Variants in FHIT observed in about 807,000 individuals in gnomAD.
FHIT encodes bis(5'-adenosyl)-triphosphatase.
Under a neutral mutation model 17.9 loss-of-function variants are expected in FHIT, and 19 were observed. That is an observed-to-expected ratio of 1.06 (90% CI 0.74 to 1.56). The LOEUF is 1.56. FHIT is among the 40% of genes most tolerant of loss of function. The pLI is 0.00. For missense variants in FHIT, 248 were observed against 189.2 expected (o/e 1.31, Z -1.82); for synonymous variants, 81 against 69.7 (o/e 1.16, Z -0.81).
chr3:59,821,371 G>T (rs1328348283), intron 8 of FHIT, among the ~76,000 whole-genome samples: 2 of 152,184 alleles, frequency 1.3e-5, no homozygotes, highest in African/African-American at 4.8e-5. Context: ...GTGCTCTGAG[G>T]ATTTGGTGCC....
At chr3:60,046,950 G>C (rs1701678051) in intron 5 of FHIT, among the ~76,000 whole-genome samples, 1 of 152,190 alleles carries the variant, frequency 6.6e-6, no homozygotes, top group Non-Finnish European at 1.5e-5. Context: ...AGGAAATCAA[G>C]TATATAAACA....
At chr3:59,852,568 T>C (rs1448992523) in intron 8 of FHIT, among the ~76,000 whole-genome samples, 2 of 152,160 alleles carry the variant, frequency 1.3e-5, no homozygotes, top group Non-Finnish European at 2.9e-5. Context: ...TCAGTCTTGG[T>C]GTTGTACATT....
chr3:60,045,083 C>G (rs1701596730), intron 5 of FHIT, among the ~76,000 whole-genome samples: 3 of 152,044 alleles, frequency 2.0e-5, no homozygotes. Context: ...GGAGTTGTTG[C>G]TTAATGGGTA....
intron 7 of FHIT, among the ~76,000 whole-genome samples, chr3:59,953,120 T>C (rs544974381): frequency 6.6e-6 from 1 of 152,154 alleles, no homozygotes; most frequent in South Asian, 2.1e-4. Flanking sequence ...CCTGGCTCTG[T>C]GTCTCTCTCA....
At chr3:60,860,825 AT>A (rs377188381) in intron 3 of FHIT, among the ~76,000 whole-genome samples, 1,487 of 12,242 alleles carry the variant, frequency 0.12, 638 homozygotes, top group Middle Eastern at 0.5. Flanking sequence ...GGTATATATG[AT>A]ACATATGTAC....
At chr3:60,352,660 G>C (rs1273399334) in intron 5 of FHIT, among the ~76,000 whole-genome samples, 1 of 152,034 alleles carries the variant, frequency 6.6e-6, no homozygotes, top group Non-Finnish European at 1.5e-5. Flanking sequence ...CACCACCACA[G>C]TCAGGTAATT....
chr3:60,870,527 C>T (rs1206139501), intron 3 of FHIT, among the ~76,000 whole-genome samples: 1 of 152,106 alleles, frequency 6.6e-6, no homozygotes, highest in Non-Finnish European at 1.5e-5. Context: ...GTTTCAGTTC[C>T]ACAGGCAAGG....
chr3:61,003,658 T>C (rs1338261140), intron 3 of FHIT, among the ~76,000 whole-genome samples: 1 of 152,216 alleles, frequency 6.6e-6, no homozygotes, highest in East Asian at 1.9e-4. Flanking sequence ...GAAATATCAA[T>C]ATCCAGTACT....
intron 5 of FHIT, among the ~76,000 whole-genome samples, chr3:60,506,104 A>G (rs2107533089): frequency 6.6e-6 from 1 of 152,316 alleles, no homozygotes; most frequent in South Asian, 2.1e-4. Context: ...TGAAAATTTA[A>G]TAGTCTTTTC....
At chr3:60,611,660 G>A (rs919264359) in intron 4 of FHIT, among the ~76,000 whole-genome samples, 6 of 152,046 alleles carry the variant, frequency 3.9e-5, no homozygotes, top group African/African-American at 9.7e-5. Context: ...ACTTTCTAAC[G>A]CTCGGCTCTA....
intron 3 of FHIT, among the ~76,000 whole-genome samples, chr3:60,822,808 A>C (rs1479179651): frequency 1.3e-5 from 2 of 152,186 alleles, no homozygotes; most frequent in Non-Finnish European, 2.9e-5. Flanking sequence ...GACAAGTGAC[A>C]GGGAGGCTAT....
intron 5 of FHIT, among the ~76,000 whole-genome samples, chr3:60,440,481 A>G (rs1030456122): frequency 6.6e-6 from 1 of 152,104 alleles, no homozygotes; most frequent in African/African-American, 2.4e-5. Flanking sequence ...TTGAGGTATA[A>G]TATGTACCAG....
intron 4 of FHIT, among the ~76,000 whole-genome samples, chr3:60,819,276 C>G (rs1701846799): frequency 6.6e-6 from 1 of 152,080 alleles, no homozygotes; most frequent in South Asian, 2.1e-4. Flanking sequence ...TCAGGGCTTC[C>G]TTGATCATCT....
chr3:59,953,881 G>C (rs918556937), intron 7 of FHIT, among the ~76,000 whole-genome samples: 3 of 152,226 alleles, frequency 2.0e-5, no homozygotes, highest in Non-Finnish European at 2.9e-5. Flanking sequence ...CTCATTGAGA[G>C]GTCCTGATGC....
chr3:60,106,533 A>G (rs1021132485), intron 5 of FHIT, among the ~76,000 whole-genome samples: 3 of 152,214 alleles, frequency 2.0e-5, no homozygotes, highest in Admixed American at 6.5e-5. Context: ...ACTGATGGCA[A>G]TTAGGTTCGG....
chr3:60,333,091 T>G (rs1303779850), intron 5 of FHIT, among the ~76,000 whole-genome samples: 2 of 152,164 alleles, frequency 1.3e-5, no homozygotes, highest in African/African-American at 4.8e-5. Flanking sequence ...TGGGAGCCAT[T>G]TACCAGCCAC....
chr3:60,931,950 G>A (rs1347967368), intron 3 of FHIT, among the ~76,000 whole-genome samples: 1 of 152,154 alleles, frequency 6.6e-6, no homozygotes, highest in Non-Finnish European at 1.5e-5. Context: ...GCACAAGGGT[G>A]TGATATGCAC....
At chr3:60,096,052 A>C (rs1703934608) in intron 5 of FHIT, among the ~76,000 whole-genome samples, 1 of 152,184 alleles carries the variant, frequency 6.6e-6, no homozygotes, top group African/African-American at 2.4e-5. Flanking sequence ...TCACTTTGCA[A>C]GCCAGGGACC....
chr3:59,759,145 G>A (rs1701372390), intron 8 of FHIT, among the ~76,000 whole-genome samples: 1 of 151,896 alleles, frequency 6.6e-6, no homozygotes, highest in African/African-American at 2.4e-5. Flanking sequence ...AACAGCAAGT[G>A]CAGACCTTCA....
Sources: allele counts gnomAD v4.1 joint callset (sites outside exome capture counted in the v4.1 genomes callset), GRCh38; gene constraint gnomAD v4.1.1; transcripts MANE v1.5; gene names NCBI Gene and HGNC (gene_info 2026-07-23, HGNC 2026-07-21).